The following SORCS2 variants were observed in gnomAD, a reference collection of about 807,000 sequenced individuals.
The protein encoded by SORCS2 is VPS10 domain-containing receptor SorCS2.
A neutral mutation model predicts 141.6 loss-of-function variants in SORCS2; 100 were observed. The observed-to-expected ratio is 0.71, with a 90% CI of 0.60 to 0.83. The LOEUF (loss-of-function observed/expected upper bound fraction) is 0.83. Among genes scored for constraint, SORCS2 ranks in the 40% least tolerant of loss-of-function variants. The pLI is 0.00. For synonymous variants in SORCS2, 789 were observed against 676.9 expected (o/e 1.17, Z -2.57); for missense variants, 1,646 against 1,560.2 (o/e 1.05, Z -0.93).
chr4:7,652,259 C>T (rs1721491748), intron 4 of SORCS2, among the ~76,000 whole-genome samples: 1 of 152,178 alleles, frequency 6.6e-6, no homozygotes, highest in South Asian at 2.1e-4. Context: ...TTCCCACGGG[C>T]CACTGTGGAA....
chr4:7,604,930 C>G (rs1483494193), intron 3 of SORCS2, among the ~76,000 whole-genome samples: 1 of 152,132 alleles, frequency 6.6e-6, no homozygotes, highest in Non-Finnish European at 1.5e-5. Context: ...ACCCCTACAC[C>G]CCATGCAGAT....
intron 1 of SORCS2, among the ~76,000 whole-genome samples, chr4:7,227,950 T>G (rs1711538260): frequency 6.6e-6 from 1 of 151,940 alleles, no homozygotes; most frequent in African/African-American, 2.4e-5. Flanking sequence ...CATCCAGCTG[T>G]GAGGCAGGGG....
At chr4:7,271,453 G>T (rs988832055) in intron 1 of SORCS2, among the ~76,000 whole-genome samples, 6 of 152,150 alleles carry the variant, frequency 3.9e-5, no homozygotes, top group African/African-American at 1.4e-4. Context: ...CCCTTGCCTG[G>T]AATACCCTTC....
intron 1 of SORCS2, among the ~76,000 whole-genome samples, chr4:7,224,929 G>T (rs1367007499): frequency 6.6e-6 from 1 of 152,248 alleles, no homozygotes; most frequent in Non-Finnish European, 1.5e-5. Context: ...TGACATCTTT[G>T]CTTTGGTGTA....
chr4:7,365,321 G>A lies in SORCS2; in HGVS notation c.481-30967G>A, dbSNP rs189935547. ...GGGTGTGTGGGGAGTTCAGGAGGGC[G>A]CAAGGTTTGGGGGTCACTTAGGCAT... On this transcript the variant is annotated intron_variant, in intron 1 of 26. Coordinates refer to ENST00000507866, the MANE Select transcript of SORCS2 (RefSeq NM_020777.3). 9.0e-4 allele frequency among the ~76,000 whole-genome samples: 137 copies of A among 152,188 alleles called. No individual in the cohort carries two copies. The East Asian group carries it at 0.02, about 22-fold the overall frequency.
At chr4:7,371,198 G>A (rs1189439877) in intron 1 of SORCS2, among the ~76,000 whole-genome samples, 4 of 152,186 alleles carry the variant, frequency 2.6e-5, no homozygotes, top group South Asian at 2.1e-4. Context: ...GCATTCCTGC[G>A]AAGGTCTATG....
chr4:7,553,670 C>A (rs1342763081), intron 3 of SORCS2, among the ~76,000 whole-genome samples: 1 of 152,176 alleles, frequency 6.6e-6, no homozygotes, highest in Non-Finnish European at 1.5e-5. Context: ...ACCAGGTGGG[C>A]ACCAGGTTCA....
At chr4:7,594,520 G>T (rs368347317) in intron 3 of SORCS2, among the ~76,000 whole-genome samples, 2 of 152,232 alleles carry the variant, frequency 1.3e-5, no homozygotes, top group Admixed American at 6.5e-5. Context: ...GTGGGTGTGA[G>T]ATCAGAGATT....
intron 1 of SORCS2, among the ~76,000 whole-genome samples, chr4:7,261,301 C>T (rs965360111): frequency 3.3e-5 from 5 of 152,292 alleles, no homozygotes; most frequent in Non-Finnish European, 5.9e-5. Context: ...AGGGAAGAGA[C>T]GGGTCTCCCA....
chr4:7,424,870 G>A lies in SORCS2; in HGVS notation c.548+28515G>A, dbSNP rs151148709. Among the ~76,000 whole-genome samples, 722 of 152,340 alleles carry A rather than the reference G, an allele frequency of 4.7e-3. 4 individuals are homozygous for A. The highest frequency in any genetic ancestry group is 8.5e-3 in the Non-Finnish European group (577 of 68,042). ...CCTGCCCTAAAATCAAGGCCTGAGG[G>A]ACATTGGACCACACAGTGCCCGGCA... is the stretch of plus-strand genomic sequence containing the variant. On this transcript the variant is annotated intron_variant, in intron 2 of 26. Coordinates refer to ENST00000507866, the MANE Select transcript of SORCS2 (RefSeq NM_020777.3).
intron 1 of SORCS2, among the ~76,000 whole-genome samples, chr4:7,336,387 C>T (rs927113114): frequency 2.6e-5 from 4 of 152,152 alleles, no homozygotes; most frequent in African/African-American, 4.8e-5. Context: ...CCCAACTCCC[C>T]GGAGGCCCTT....
intron 3 of SORCS2, among the ~76,000 whole-genome samples, chr4:7,537,262 C>G (rs1006908092): frequency 2.6e-5 from 4 of 152,194 alleles, no homozygotes; most frequent in Non-Finnish European, 4.4e-5. Flanking sequence ...GAAGGCTCTC[C>G]AAACCCCCTT....
At chr4:7,259,165 C>T (rs902505112) in intron 1 of SORCS2, among the ~76,000 whole-genome samples, 1 of 152,108 alleles carries the variant, frequency 6.6e-6, no homozygotes, top group Non-Finnish European at 1.5e-5. Flanking sequence ...CTTTTGTTGC[C>T]ACCGTTTCTT....
At chr4:7,224,746 C>T (rs774270312) in intron 1 of SORCS2, among the ~76,000 whole-genome samples, 2 of 151,986 alleles carry the variant, frequency 1.3e-5, no homozygotes, top group Admixed American at 6.5e-5. Flanking sequence ...GGAGGTGTGG[C>T]ACTGGGTGGG....
chr4:7,266,700 T>A (rs1484105363), intron 1 of SORCS2, among the ~76,000 whole-genome samples: 1 of 152,022 alleles, frequency 6.6e-6, no homozygotes, highest in African/African-American at 2.4e-5. Flanking sequence ...AGATACCCCC[T>A]CCCCCAGGAG....
intron 4 of SORCS2, among the ~76,000 whole-genome samples, chr4:7,653,649 G>T (rs1187993198): frequency 6.6e-6 from 1 of 152,132 alleles, no homozygotes; most frequent in Non-Finnish European, 1.5e-5. Context: ...CTGGTCATAC[G>T]CTGTGAGGCT....
chr4:7,250,561 G>A (rs1577321880), intron 1 of SORCS2, among the ~76,000 whole-genome samples: 2 of 152,306 alleles, frequency 1.3e-5, no homozygotes, highest in Non-Finnish European at 1.5e-5. Flanking sequence ...GAATAACTAC[G>A]TTCCCAGCGT....
chr4:7,200,107 C>T lies in SORCS2; in HGVS notation c.480+6981C>T, dbSNP rs578075139. Among the ~76,000 whole-genome samples, 261 of 152,184 alleles carry T rather than the reference C, an allele frequency of 1.7e-3. 3 individuals are homozygous for T. The highest frequency in any genetic ancestry group is 6.0e-3 in the African/African-American group (251 of 41,512). ...CTCGTGCTGCTCTGGAGGCCCTGATCCCCCCTCGCTGGAAGTGCTCAAAAG... is the reference window on the plus strand; with the variant it reads ...CTCGTGCTGCTCTGGAGGCCCTGATTCCCCCTCGCTGGAAGTGCTCAAAAG... On this transcript the variant is annotated intron_variant, in intron 1 of 26. Transcript: ENST00000507866.
intron 2 of SORCS2, among the ~76,000 whole-genome samples, chr4:7,454,815 C>T (rs1463183667): frequency 8.8e-6 from 1 of 113,160 alleles, no homozygotes; most frequent in Non-Finnish European, 1.7e-5. Context: ...GGGTCAGGCA[C>T]TGTGTTGGGG....
Sources: gnomAD v4.1 joint callset for allele counts (sites outside exome capture counted in the v4.1 genomes callset) on GRCh38, gnomAD v4.1.1 for gene constraint, MANE v1.5 for transcripts, NCBI Gene and HGNC (gene_info 2026-07-23, HGNC 2026-07-21) for gene names.